Variants in SGSH observed in about 807,000 individuals in gnomAD.
SGSH encodes the protein heparan sulfate sulfatase.
SGSH carries 48 observed loss-of-function variants against 51.0 expected under a neutral mutation model. That is an observed-to-expected ratio of 0.94 (90% CI 0.75 to 1.20). The LOEUF is 1.20. Among genes scored for constraint, SGSH ranks in the 50% most tolerant of loss-of-function variants. SGSH has a pLI of 0.00. For synonymous variants in SGSH, 321 were observed against 313.4 expected (o/e 1.02, Z -0.26); for missense variants, 662 against 717.8 (o/e 0.92, Z 0.89).
intron 5 of SGSH, 82 bp downstream of exon 5, chr17:80,214,089 GC>G: frequency 1.3e-6 from 2 of 1,508,156 alleles, no homozygotes; most frequent in Non-Finnish European, 1.8e-6. Context: ...ATCATCTAGG[GC>G]CAGGGCTGCA....
chr17:80,208,486 C>T (rs1002692911), downstream of SGSH: 2 of 718,600 alleles, frequency 2.8e-6, no homozygotes, highest in Non-Finnish European at 4.4e-6. Flanking sequence ...GGGGTCTAAC[C>T]TTGAACCCTC....
At chr17:80,203,735 C>T, downstream of SGSH, 1 of 986,716 alleles carries the variant, frequency 1.0e-6, no homozygotes, top group South Asian at 1.5e-5. This position sits in a 1 kb window ranked among gnomAD's most constrained non-coding sequence, Gnocchi z 4.6. Flanking sequence ...ACCCGGCCAT[C>T]TCCCCCACTC....
intron 1 of SGSH, among the ~76,000 whole-genome samples, chr17:80,218,357 G>A (rs540531510): frequency 8.5e-4 from 130 of 152,308 alleles, no homozygotes; most frequent in African/African-American, 2.9e-3. Context: ...CAGTGCCCAG[G>A]GCCACACACT....
downstream of SGSH, among the ~76,000 whole-genome samples, chr17:80,207,932 C>T (rs1555618838): frequency 6.6e-6 from 1 of 152,142 alleles, no homozygotes; most frequent in Non-Finnish European, 1.5e-5. Context: ...GCTACTGTGC[C>T]CTTTCTACTC....
chr17:80,212,328 C>A lies in SGSH; in HGVS notation c.746-54G>T. 6.7e-7 allele frequency: 1 copy of A among 1,500,962 alleles called. No individual in the cohort carries two copies. Among genetic ancestry groups the A allele is most frequent in the Non-Finnish European group, 9.1e-7 (1 of 1,099,936 alleles). The allele number at this position is 1,500,962 out of a possible 1,614,324, so 93.0% of individuals were successfully genotyped here. A position where few individuals can be genotyped will look rare whatever the true frequency, so the allele number is the denominator to read the frequency against. On this transcript the variant is annotated intron_variant, in intron 6 of 7. Transcript: ENST00000326317. This position sits in a 1 kb window ranked among gnomAD's most constrained non-coding sequence, Gnocchi z 5.9. The stretch of plus-strand genomic sequence containing the variant: ...CAGCCGCAGACACGGAGGGAGGCAG[C>A]GGGTGGTGTGTGTAGACCCACCTGC...
downstream of SGSH, chr17:80,208,339 C>T (rs755323781): frequency 1.3e-6 from 2 of 1,594,976 alleles, no homozygotes; most frequent in East Asian, 4.5e-5. Flanking sequence ...AGCAGAGCCC[C>T]CGATGATGCA....
chr17:80,210,769 T>C lies in SGSH; in HGVS notation c.1192A>G (p.Ile398Val). ...GGTGAGACGTAGAAGTCCTGGTCGA[T>C]GGGAAAGGGCATCTTGAAGTTGAGG... ...HNLNFKMPFP[I>V]DQDFYVSPTF... Residue 398 changes from isoleucine (I) to valine (V), a missense_variant, in exon 8 of 8, where the codon ATC becomes GTC. Coordinates refer to ENST00000326317, the MANE Select transcript of SGSH (RefSeq NM_000199.5). The C allele has an allele frequency of 1.2e-6, 2 of 1,613,868 alleles. No homozygotes were observed. The highest frequency in any genetic ancestry group is 1.7e-6 in the Non-Finnish European group (2 of 1,179,996).
rs7209523 is a variant in SGSH, at chr17:80,218,166, C to T, written c.89-974G>A. On this transcript the variant is annotated intron_variant, in intron 1 of 7. Transcript: ENST00000326317. Reference sequence around the variant, plus strand: ...AACTGCTGGGCAATTCTGGGCTCAGCGGAAACCGCATGGGGCAGAGGGCAG... The same window carrying T: ...AACTGCTGGGCAATTCTGGGCTCAGTGGAAACCGCATGGGGCAGAGGGCAG... Among the ~76,000 whole-genome samples, 1,506 of 152,352 alleles carry T rather than the reference C, an allele frequency of 9.9e-3. 29 individuals carry two copies. Among genetic ancestry groups the T allele is most frequent in the African/African-American group, 0.033 (1,383 of 41,576 alleles).
chr17:80,208,178 C>T (rs1436825386), downstream of SGSH: 6 of 1,549,972 alleles, frequency 3.9e-6, no homozygotes, highest in African/African-American at 1.4e-5. Context: ...GGAGCAGCTC[C>T]TGGAGGCTGC....
At chr17:80,217,488 C>A (rs2041937698) in intron 1 of SGSH, among the ~76,000 whole-genome samples, 1 of 150,624 alleles carries the variant, frequency 6.6e-6, no homozygotes, top group Admixed American at 6.6e-5. Context: ...ACCCCATACC[C>A]ACTGGGTATG....
At chr17:80,204,328 C>T, downstream of SGSH, 1 of 1,578,666 alleles carries the variant, frequency 6.3e-7, no homozygotes, top group Admixed American at 1.7e-5. Flanking sequence ...AGTTGGACCC[C>T]AGCAGGATGG....
chr17:80,215,369 C>T (rs1375207634), intron 2 of SGSH, among the ~76,000 whole-genome samples: 3 of 152,248 alleles, frequency 2.0e-5, no homozygotes, highest in Non-Finnish European at 4.4e-5. Flanking sequence ...ACCTGCAGGG[C>T]GTGCACCGAC....
chr17:80,206,453 A>G (rs1401476937), downstream of SGSH, among the ~76,000 whole-genome samples: 4 of 152,218 alleles, frequency 2.6e-5, no homozygotes, highest in Non-Finnish European at 5.9e-5. Context: ...CGTCTCTACA[A>G]AACATTTAAA....
chr17:80,217,811 C>T lies in SGSH; in HGVS notation c.89-619G>A, dbSNP rs1598760036. On this transcript the variant is annotated intron_variant, in intron 1 of 7. Transcript: ENST00000326317. ...GTATGTTAGCAGGCAGGCATGGTAT[C>T]CAAGTGGGCATGATAAGCAGGCATC... Among the ~76,000 whole-genome samples the T allele has an allele frequency of 2.6e-5, 4 of 151,812 alleles. No homozygotes were observed. The South Asian group carries it at 8.3e-4, about 32-fold the overall frequency.
At chr17:80,216,007 T>C (rs901932371) in intron 2 of SGSH, among the ~76,000 whole-genome samples, 1 of 151,614 alleles carries the variant, frequency 6.6e-6, no homozygotes, top group Admixed American at 6.6e-5. Context: ...TGGTTAACCC[T>C]GAGGACATTG....
Position 80,210,093 on chromosome 17 carries a change from A to G in SGSH, c.*359T>C. 1 of 1,152,596 alleles carries G rather than the reference A, an allele frequency of 8.7e-7. No individual in the cohort carries two copies. Among genetic ancestry groups the G allele is most frequent in the Non-Finnish European group, 1.1e-6 (1 of 930,562 alleles). The allele number at this position is 1,152,596 out of a possible 1,614,324, so 71.4% of individuals were successfully genotyped here. A position where few individuals can be genotyped will look rare whatever the true frequency, so the allele number is the denominator to read the frequency against. ...TCAGGCCTCCCATTTGCAGGTCCCC[A>G]AACCAAGCCAGAAAACAAGACTCCC... On this transcript the variant is annotated 3_prime_UTR_variant, in exon 8 of 8. Transcript: ENST00000326317.
downstream of SGSH, chr17:80,202,435 C>T (rs1315761685): frequency 8.1e-6 from 13 of 1,605,140 alleles, no homozygotes; most frequent in South Asian, 3.3e-5. Flanking sequence ...GCAGCTGCCT[C>T]GAGCTCGGTG....
chr17:80,210,017 C>G lies in SGSH; in HGVS notation c.*435G>C. On this transcript the variant is annotated 3_prime_UTR_variant, in exon 8 of 8. Coordinates refer to ENST00000326317, the MANE Select transcript of SGSH (RefSeq NM_000199.5). ...CGCGGCACCGAAGCCCCTGCCTGCT[C>G]TCTGTGAAGGGTTCAGAAGTATCTG... 9.5e-7 allele frequency: 1 copy of G among 1,054,032 alleles called. No individual in the cohort carries two copies. The highest frequency in any genetic ancestry group is 1.1e-6 in the Non-Finnish European group (1 of 871,674). 65.3% of individuals were successfully genotyped at this position (1,054,032 alleles called of 1,614,324 possible).
At chr17:80,205,655 G>A, downstream of SGSH, 3 of 1,543,464 alleles carry the variant, frequency 1.9e-6, no homozygotes, top group South Asian at 1.2e-5. Context: ...TGGAAAAGGT[G>A]AGGTCAAGGG....
Sources: gnomAD v4.1 joint callset for allele counts (sites outside exome capture counted in the v4.1 genomes callset) on GRCh38, gnomAD v4.1.1 for gene constraint, Gnocchi (gnomAD v3.1) non-coding constraint, MANE v1.5 for transcripts, NCBI Gene and HGNC (gene_info 2026-07-23, HGNC 2026-07-21) for gene names.